DLGAP2: variants seen among roughly 807,000 people sequenced by gnomAD.
The protein encoded by DLGAP2 is DLG associated protein 2.
A neutral mutation model predicts 100.3 loss-of-function variants in DLGAP2; 26 were observed. The ratio of observed to expected loss-of-function variants is 0.26; its 90% CI spans 0.19 to 0.36. The LOEUF is 0.36. Ranked by LOEUF, DLGAP2 falls within the 10% of genes least tolerant of loss-of-function variation. The probability of loss-of-function intolerance (pLI) is 1.00; values close to 1 mark genes in which losing one functional copy is unlikely to be tolerated. For missense variants in DLGAP2, 1,858 were observed against 1,453.2 expected (o/e 1.28, Z -4.53); for synonymous variants, 886 against 630.1 (o/e 1.41, Z -6.08).
intron 1 of DLGAP2, among the ~76,000 whole-genome samples, chr8:899,013 C>A (rs767988460): frequency 6.6e-5 from 10 of 152,208 alleles, no homozygotes; most frequent in Non-Finnish European, 1.3e-4. Flanking sequence ...AACAAGCCCC[C>A]CAGGCGGTTC....
chr8:1,442,427 T>G (rs1429167929), intron 3 of DLGAP2, among the ~76,000 whole-genome samples: 1 of 145,490 alleles, frequency 6.9e-6, no homozygotes, highest in African/African-American at 2.6e-5. Flanking sequence ...TGCTGTGGGT[T>G]CAGCCACTGG....
At chr8:808,695 G>A (rs1283692834) in intron 1 of DLGAP2, among the ~76,000 whole-genome samples, 1 of 152,198 alleles carries the variant, frequency 6.6e-6, no homozygotes, top group Non-Finnish European at 1.5e-5. Context: ...CTGCTTTGTG[G>A]CACAGGAGTG....
rs3080806 is a variant in DLGAP2 at position 1,135,503 on chromosome 8, GTTTTTTTTTTTTT to G, written c.74-123336_74-123324del. On this transcript the variant is annotated intron_variant, in intron 2 of 14. Coordinates refer to ENST00000637795, the MANE Select transcript of DLGAP2 (RefSeq NM_001346810.2). ...GGATCCTAGAAGGGTTTTTTTGTGG[GTTTTTTTTTTTTT>G]TTTTTTTTTTTGTCCATATCTTAAG... 4.3e-5 allele frequency among the ~76,000 whole-genome samples: 4 copies of G among 92,194 alleles called. No individual in the cohort carries two copies. The Admixed American group carries it at 5.3e-4, about 12-fold the overall frequency. The allele number at this position is 92,194 out of a possible 152,430, so 60.5% of individuals were successfully genotyped here.
At chr8:1,008,191 G>A (rs1801176279) in intron 2 of DLGAP2, among the ~76,000 whole-genome samples, 1 of 152,212 alleles carries the variant, frequency 6.6e-6, no homozygotes, top group African/African-American at 2.4e-5. Context: ...TCAAGGTCAA[G>A]ATCTTGATAA....
intron 3 of DLGAP2, among the ~76,000 whole-genome samples, chr8:1,376,204 C>G (rs977066079): frequency 3.9e-5 from 6 of 152,226 alleles, no homozygotes; most frequent in African/African-American, 1.4e-4. Flanking sequence ...AGGCAGTAAA[C>G]TCAGAAAGAG....
intron 5 of DLGAP2, 80 bp downstream of exon 5, chr8:1,549,763 TAAC>T (rs2130520184): frequency 2.2e-6 from 3 of 1,365,296 alleles, no homozygotes; most frequent in South Asian, 2.9e-5. Context: ...AATTGACAGA[TAAC>T]AACTGCATAC....
intron 7 of DLGAP2, among the ~76,000 whole-genome samples, chr8:1,632,556 A>T (rs945288792): frequency 6.6e-6 from 1 of 152,202 alleles, no homozygotes; most frequent in Admixed American, 6.5e-5. Flanking sequence ...ACTTTGTAAT[A>T]ACTGTCAGCC....
intron 1 of DLGAP2, among the ~76,000 whole-genome samples, chr8:806,463 A>G (rs911954515): frequency 2.6e-5 from 4 of 152,154 alleles, no homozygotes; most frequent in Admixed American, 6.5e-5. Flanking sequence ...AGAATTGGCA[A>G]ATCCTGGGAA....
chr8:1,614,314 G>T (rs1277456886), intron 6 of DLGAP2, among the ~76,000 whole-genome samples: 1 of 152,224 alleles, frequency 6.6e-6, no homozygotes, highest in Non-Finnish European at 1.5e-5. Flanking sequence ...CAGCCAGAGG[G>T]TGAATCTCAC....
intron 1 of DLGAP2, among the ~76,000 whole-genome samples, chr8:762,131 C>A (rs1439737674): frequency 6.6e-6 from 1 of 152,180 alleles, no homozygotes; most frequent in Non-Finnish European, 1.5e-5. Context: ...CAAAGTTTCT[C>A]ATGCTCACGT....
intron 1 of DLGAP2, among the ~76,000 whole-genome samples, chr8:829,336 C>G (rs1173290637): frequency 1.3e-5 from 2 of 152,154 alleles, no homozygotes; most frequent in African/African-American, 4.8e-5. Context: ...TCCACCTGTC[C>G]CATTTCATCA....
chr8:1,283,188 G>C (rs1442095366), intron 3 of DLGAP2, among the ~76,000 whole-genome samples: 2 of 141,806 alleles, frequency 1.4e-5, no homozygotes, highest in Non-Finnish European at 1.5e-5. Flanking sequence ...CCCAGCACGT[G>C]AACCATCCAG....
chr8:1,660,573 A>G (rs1798386403), intron 8 of DLGAP2, among the ~76,000 whole-genome samples: 1 of 152,194 alleles, frequency 6.6e-6, no homozygotes, highest in Admixed American at 6.5e-5. Context: ...TTTTATGTGT[A>G]TTGCTAAATG....
intron 2 of DLGAP2, among the ~76,000 whole-genome samples, chr8:1,018,475 C>T (rs1452602754): frequency 6.6e-6 from 1 of 152,236 alleles, no homozygotes; most frequent in Non-Finnish European, 1.5e-5. Context: ...CACTGCCAGG[C>T]TCAGCCAGGC....
intron 2 of DLGAP2, among the ~76,000 whole-genome samples, chr8:1,161,907 T>C (rs1237225219): frequency 7.2e-5 from 11 of 152,214 alleles, no homozygotes; most frequent in Non-Finnish European, 1.6e-4. Flanking sequence ...GTTCCCACCC[T>C]TGGGGCTTTA....
chr8:1,672,707 A>G (rs866920725), intron 10 of DLGAP2, among the ~76,000 whole-genome samples: 1 of 152,218 alleles, frequency 6.6e-6, no homozygotes, highest in Non-Finnish European at 1.5e-5. Flanking sequence ...CAAGCCTCAC[A>G]GGCAGCTGCT....
chr8:748,219 C>T (rs552146712), intron 1 of DLGAP2, among the ~76,000 whole-genome samples: 10 of 36,408 alleles, frequency 2.7e-4, no homozygotes, highest in African/African-American at 1.0e-3. Flanking sequence ...GTGGGATGAG[C>T]GGGTCTGCGG....
chr8:1,027,780 C>G (rs1373397473), intron 2 of DLGAP2, among the ~76,000 whole-genome samples: 1 of 124,244 alleles, frequency 8.0e-6, no homozygotes, highest in Admixed American at 8.0e-5. Context: ...GTCAGGCGCC[C>G]GTTATTCTCC....
At chr8:1,373,343 GCGCCT>G (rs1802296778) in intron 3 of DLGAP2, among the ~76,000 whole-genome samples, 1 of 150,902 alleles carries the variant, frequency 6.6e-6, no homozygotes, top group Non-Finnish European at 1.5e-5. Flanking sequence ...CGGAGGCGCC[GCGCCT>G]GGACCGTGGC....
Sources: allele counts gnomAD v4.1 joint callset (sites outside exome capture counted in the v4.1 genomes callset), GRCh38; gene constraint gnomAD v4.1.1; transcripts MANE v1.5; gene names NCBI Gene and HGNC (gene_info 2026-07-23, HGNC 2026-07-21).